The following WDPCP variants were observed in gnomAD, a reference collection of about 807,000 sequenced individuals.
WDPCP encodes the protein WD repeat-containing and planar cell polarity effector protein fritz homolog.
A neutral mutation model predicts 93.1 loss-of-function variants in WDPCP; 71 were observed. That is an observed-to-expected ratio of 0.76 (90% CI 0.63 to 0.93). WDPCP has a LOEUF of 0.93. WDPCP is among the 40% of genes least tolerant of loss of function. The pLI is 0.00. For missense variants in WDPCP, 844 were observed against 887.4 expected (o/e 0.95, Z 0.62); for synonymous variants, 315 against 315.0 (o/e 1.00, Z 0.00).
chr2:63,327,844 C>T (rs1687674698), intron 12 of WDPCP, among the ~76,000 whole-genome samples: 1 of 152,128 alleles, frequency 6.6e-6, no homozygotes, highest in African/African-American at 2.4e-5. Context: ...GATGGTCTTA[C>T]AAATGGAACC....
intron 15 of WDPCP, among the ~76,000 whole-genome samples, chr2:63,156,433 T>C (rs1672254298): frequency 6.6e-6 from 1 of 152,306 alleles, no homozygotes; most frequent in Non-Finnish European, 1.5e-5. Context: ...TGTACATTAC[T>C]AGTATATAGA....
At chr2:63,717,690 G>T (rs992251510) in intron 2 of WDPCP, 6 of 483,184 alleles carry the variant, frequency 1.2e-5, no homozygotes, top group Non-Finnish European at 2.1e-5. Context: ...GCAGGGCAAG[G>T]CCAAGAATCC....
Position 63,394,916 on chromosome 2 carries a change from C to T in WDPCP, c.1435+9132G>A, listed in dbSNP as rs1035327653. 3.9e-5 allele frequency among the ~76,000 whole-genome samples: 6 copies of T among 151,980 alleles called. No individual in the cohort carries two copies. In the South Asian group the frequency reaches 8.3e-4, roughly 21 times the overall value. ...TGAAGGGTGGGAGGATGGTAAGGAT[C>T]GAAAAACTGCCTATTGAATACTGTA... On this transcript the variant is annotated intron_variant, in intron 10 of 17. Coordinates refer to ENST00000272321, the MANE Select transcript of WDPCP (RefSeq NM_015910.7).
chr2:63,262,783 G>T (rs574242671), intron 13 of WDPCP, among the ~76,000 whole-genome samples: 1 of 152,112 alleles, frequency 6.6e-6, no homozygotes, highest in East Asian at 1.9e-4. Flanking sequence ...TTTGAAGAGG[G>T]CAAATTAAAA....
chr2:63,299,012 G>A (rs969076688), intron 13 of WDPCP, among the ~76,000 whole-genome samples: 2 of 152,212 alleles, frequency 1.3e-5, no homozygotes, highest in Non-Finnish European at 2.9e-5. Flanking sequence ...GGCTAGGCTT[G>A]TCTACCTGTT....
At chr2:63,504,271 T>C (rs1351536252) in intron 1 of WDPCP, among the ~76,000 whole-genome samples, 1 of 151,944 alleles carries the variant, frequency 6.6e-6, no homozygotes, top group Non-Finnish European at 1.5e-5. Context: ...ATGCACTTTA[T>C]ATTCATTATT....
At chr2:63,195,123 A>G (rs1027147451) in intron 14 of WDPCP, among the ~76,000 whole-genome samples, 7 of 152,162 alleles carry the variant, frequency 4.6e-5, no homozygotes, top group African/African-American at 1.7e-4. Flanking sequence ...TTTAGAGTTA[A>G]TATTTAACTT....
At chr2:63,303,926 G>A (rs1172192927) in intron 13 of WDPCP, among the ~76,000 whole-genome samples, 1 of 141,760 alleles carries the variant, frequency 7.1e-6, no homozygotes, top group Non-Finnish European at 1.5e-5. Context: ...AAACCACACT[G>A]ACATTTCATC....
rs532460044 is a variant in WDPCP, at chr2:63,175,917, C to G, written c.1916-1085G>C. ...ATGGATGTGCAGATATCTCCGAGAC[C>G]CTGCTATCAGTGCTTTTGGACATAT... On this transcript the variant is annotated intron_variant, in intron 14 of 17. Transcript: ENST00000272321. 3.3e-5 allele frequency among the ~76,000 whole-genome samples: 5 copies of G among 152,170 alleles called. No homozygotes were observed. In the South Asian group the frequency reaches 1.0e-3, roughly 32 times the overall value.
chr2:63,415,759 A>C (rs560746099), intron 9 of WDPCP, among the ~76,000 whole-genome samples: 1 of 152,342 alleles, frequency 6.6e-6, no homozygotes, highest in East Asian at 1.9e-4. Context: ...GGGAACCTTA[A>C]GTGAGGCTGA....
At chr2:63,633,471 AAG>A (rs1430410281) in intron 3 of WDPCP, among the ~76,000 whole-genome samples, 3 of 152,194 alleles carry the variant, frequency 2.0e-5, no homozygotes, top group African/African-American at 7.2e-5. Context: ...AGGCGAGTAA[AAG>A]AGTAGAGTTT....
chr2:63,597,158 AT>A lies in WDPCP; in HGVS notation n.488+53500del, dbSNP rs1709329756. 9.2e-6 allele frequency: 4 copies of A among 434,098 alleles called. No individual in the cohort carries two copies. In the Admixed American group the frequency reaches 2.6e-4, roughly 28 times the overall value. 26.9% of individuals were successfully genotyped at this position (434,098 alleles called of 1,614,324 possible). A position where few individuals can be genotyped will look rare whatever the true frequency, so the allele number is the denominator to read the frequency against. On this transcript the variant is annotated intron_variant and non_coding_transcript_variant, in intron 3 of 4. Coordinates refer to the WDPCP transcript ENST00000467687. ...TATATGATTATAAAAGATAAAAGCTATGGAGTTTTGACATTTAAGTAATTAT... is the reference window on the plus strand; with the variant it reads ...TATATGATTATAAAAGATAAAAGCTAGGAGTTTTGACATTTAAGTAATTAT...
rs746225322 is a variant in WDPCP, at chr2:63,152,935, C to G, written c.2169G>C (p.Leu723=). The G allele has an allele frequency of 3.1e-6, 5 of 1,612,594 alleles. No homozygotes were observed. The South Asian group carries it at 3.3e-5, about 11-fold the overall frequency. ...TTACCTGTTCTCTGCCGTCTTCTCT[C>G]AGTTCTCCGTCTAAAGTAAAAGATT... ...TNTCNAEDGE[L]REDGREQEIR... is the part of the protein sequence containing the mutation. The change falls in exon 17 of 18, where the codon CTG becomes CTC. Residue 723 remains leucine, a synonymous_variant. Transcript: ENST00000272321.
chr2:63,787,000 G>A (rs1171006523), intron 2 of WDPCP, among the ~76,000 whole-genome samples: 1 of 152,116 alleles, frequency 6.6e-6, no homozygotes, highest in Non-Finnish European at 1.5e-5. Flanking sequence ...TGAGGAAAGG[G>A]TACTATTTCT....
intron 6 of WDPCP, 24 bp from the exon 7 acceptor site, chr2:63,439,895 AGAGG>A (rs766984859): frequency 6.5e-7 from 1 of 1,547,268 alleles, no homozygotes; most frequent in South Asian, 1.1e-5. Context: ...AGTGGGGGAG[AGAGG>A]GAGGAAGACA....
At chr2:63,371,928 A>G (rs1014209116) in intron 12 of WDPCP, among the ~76,000 whole-genome samples, 14 of 152,160 alleles carry the variant, frequency 9.2e-5, no homozygotes, top group African/African-American at 3.4e-4. Context: ...TATTTTACCC[A>G]CTTATTTATT....
At chr2:63,479,173 C>G (rs1006479424) in intron 6 of WDPCP, among the ~76,000 whole-genome samples, 2 of 151,904 alleles carry the variant, frequency 1.3e-5, no homozygotes, top group African/African-American at 4.8e-5. Context: ...CAGTAACAGG[C>G]AGCAAGACTG....
intron 1 of WDPCP, among the ~76,000 whole-genome samples, chr2:63,513,470 A>G (rs962883271): frequency 2.6e-5 from 4 of 151,990 alleles, no homozygotes; most frequent in African/African-American, 7.2e-5. Context: ...GGGGATTTGA[A>G]GGTCTCTGAA....
chr2:63,618,347 A>G (rs910011587), intron 3 of WDPCP, among the ~76,000 whole-genome samples: 6 of 152,230 alleles, frequency 3.9e-5, no homozygotes, highest in African/African-American at 1.4e-4. Flanking sequence ...GGGAAGTACA[A>G]TCGGCAACTA....
Sources: allele counts gnomAD v4.1 joint callset (sites outside exome capture counted in the v4.1 genomes callset), GRCh38; gene constraint gnomAD v4.1.1; transcripts MANE v1.5; gene names NCBI Gene and HGNC (gene_info 2026-07-23, HGNC 2026-07-21).